RXFP1: variants seen among roughly 807,000 people sequenced by gnomAD.
RXFP1 encodes the protein relaxin family peptide receptor 1.
In RXFP1, 73 loss-of-function variants were observed where a neutral mutation model predicts 89.8. The ratio of observed to expected loss-of-function variants is 0.81; its 90% CI spans 0.67 to 0.99. The LOEUF is 0.99. RXFP1 is among the 50% of genes least tolerant of loss of function. The pLI is 0.00. For missense variants in RXFP1, 793 were observed against 895.5 expected (o/e 0.89, Z 1.46); for synonymous variants, 277 against 305.5 (o/e 0.91, Z 0.97).
At chr4:158,620,414 G>T (rs1193805460) in intron 9 of RXFP1, among the ~76,000 whole-genome samples, 1 of 152,028 alleles carries the variant, frequency 6.6e-6, no homozygotes, top group East Asian at 1.9e-4. Flanking sequence ...TAATAGCCAA[G>T]AATTTTGTTA....
intron 1 of RXFP1, among the ~76,000 whole-genome samples, chr4:158,560,517 G>A (rs939231634): frequency 2.0e-5 from 3 of 152,172 alleles, no homozygotes; most frequent in African/African-American, 7.2e-5. Flanking sequence ...GTTTCTCGAT[G>A]TATCAGTTAG....
intron 6 of RXFP1, among the ~76,000 whole-genome samples, chr4:158,609,808 C>A (rs561217894): frequency 6.6e-6 from 1 of 152,306 alleles, no homozygotes; most frequent in South Asian, 2.1e-4. Context: ...TGACTGTCTT[C>A]TTTCCATATA....
intron 9 of RXFP1, among the ~76,000 whole-genome samples, chr4:158,623,063 A>G (rs147130792): frequency 1.3e-5 from 2 of 152,354 alleles, no homozygotes; most frequent in African/African-American, 4.8e-5. Context: ...GCCAATGTGC[A>G]TTAAACAACA....
chr4:158,562,300 G>A (rs1038101706), intron 1 of RXFP1, among the ~76,000 whole-genome samples: 2 of 151,476 alleles, frequency 1.3e-5, no homozygotes, highest in Admixed American at 6.6e-5. Flanking sequence ...CGAGGCGGGC[G>A]GATCACGAGG....
intron 5 of RXFP1, among the ~76,000 whole-genome samples, chr4:158,607,522 T>C (rs1762744581): frequency 6.6e-6 from 1 of 152,166 alleles, no homozygotes; most frequent in Non-Finnish European, 1.5e-5. Context: ...ACTTAACAAG[T>C]TTAAAGAATT....
intron 2 of RXFP1, among the ~76,000 whole-genome samples, chr4:158,580,545 C>T (rs1284256934): frequency 2.0e-5 from 3 of 152,098 alleles, no homozygotes; most frequent in Non-Finnish European, 4.4e-5. Flanking sequence ...GTCACCTTTA[C>T]CATGTAGCAA....
chr4:158,587,720 CCTT>C (rs1758573890), intron 2 of RXFP1, among the ~76,000 whole-genome samples: 1 of 152,238 alleles, frequency 6.6e-6, no homozygotes, highest in Non-Finnish European at 1.5e-5. Flanking sequence ...GGTCACCTAA[CCTT>C]CTTCAGTATC....
chr4:158,543,234 A>G (rs763043360), intron 1 of RXFP1, among the ~76,000 whole-genome samples: 4 of 152,098 alleles, frequency 2.6e-5, no homozygotes, highest in Non-Finnish European at 4.4e-5. Context: ...TCCATTCTTC[A>G]GGCACTGGTT....
At chr4:158,566,037 GAA>G (rs1026309744) in intron 1 of RXFP1, among the ~76,000 whole-genome samples, 8 of 152,318 alleles carry the variant, frequency 5.3e-5, no homozygotes, top group African/African-American at 1.9e-4. Context: ...CCATGAAAAT[GAA>G]AAGAGGCTAA....
At chr4:158,586,290 A>G (rs991552797) in intron 2 of RXFP1, among the ~76,000 whole-genome samples, 6 of 152,250 alleles carry the variant, frequency 3.9e-5, no homozygotes, top group Admixed American at 2.6e-4. Flanking sequence ...AGCATGCAAG[A>G]TCAGATTTTT....
At chr4:158,635,090 T>C (rs902915338) in intron 12 of RXFP1, among the ~76,000 whole-genome samples, 3 of 152,186 alleles carry the variant, frequency 2.0e-5, no homozygotes, top group African/African-American at 7.2e-5. Context: ...TTTGGCAGGT[T>C]GCTTTGAATC....
intron 2 of RXFP1, among the ~76,000 whole-genome samples, chr4:158,592,126 T>A (rs1481314190): frequency 6.6e-6 from 1 of 152,140 alleles, no homozygotes; most frequent in Non-Finnish European, 1.5e-5. Context: ...TCTATTTTTT[T>A]AAAAGTGACA....
intron 1 of RXFP1, among the ~76,000 whole-genome samples, chr4:158,546,019 G>A (rs1357855010): frequency 6.6e-6 from 1 of 152,130 alleles, no homozygotes; most frequent in Non-Finnish European, 1.5e-5. Context: ...GGATGGGATT[G>A]AATCTATAAA....
At chr4:158,542,109 A>ATATATATATTTTTT in intron 1 of RXFP1, among the ~76,000 whole-genome samples, 514 of 35,106 alleles carry the variant, frequency 0.015, 26 homozygotes, top group Non-Finnish European at 0.018. Context: ...ATATATATAT[A>ATATATATATTTTTT]TTTTTTTTTT....
chr4:158,639,247 T>C lies in RXFP1; in HGVS notation c.1044-13T>C. 1 of 1,431,798 alleles carries C rather than the reference T, an allele frequency of 7.0e-7. No homozygotes were observed. 88.7% of individuals were successfully genotyped at this position (1,431,798 alleles called of 1,614,324 possible). ...CATGTTCCTTTGATTGATTATTAAT[T>C]TGATATTTTTAGCAGCCTAGAAGGG... On this transcript the variant is annotated splice_polypyrimidine_tract_variant and intron_variant, in intron 13 of 17. Transcript: ENST00000307765.
At chr4:158,593,237 G>C (rs1251120702) in intron 2 of RXFP1, among the ~76,000 whole-genome samples, 164 bp from the exon 3 acceptor site, 1 of 152,100 alleles carries the variant, frequency 6.6e-6, no homozygotes, top group African/African-American at 2.4e-5. Flanking sequence ...GAATCTCCAG[G>C]TGGGGGTCCA....
intron 2 of RXFP1, among the ~76,000 whole-genome samples, chr4:158,590,375 G>A (rs555339277): frequency 6.6e-6 from 1 of 152,092 alleles, no homozygotes; most frequent in Non-Finnish European, 1.5e-5. Flanking sequence ...GGCCAGACTG[G>A]TCTCAAAATC....
chr4:158,652,004 C>T lies in RXFP1; in HGVS notation c.2223C>T (p.Pro741=). 1.2e-6 allele frequency: 2 copies of T among 1,613,756 alleles called. No individual in the cohort carries two copies. Among genetic ancestry groups the T allele is most frequent in the Non-Finnish European group, 1.7e-6 (2 of 1,179,800 alleles). ...ELMKPDLFTY[P]CEMSLISQST... is the part of the protein sequence containing the mutation. ...TGAAGCCGGACCTTTTCACATACCC[C>T]TGTGAAATGTCACTGATTTCTCAAT... Residue 741 remains proline (P), a synonymous_variant, in exon 18 of 18, where the codon CCC becomes CCT. Coordinates refer to ENST00000307765, the MANE Select transcript of RXFP1 (RefSeq NM_021634.4).
At chr4:158,524,844 T>TTTAG (rs145523730) in intron 1 of RXFP1, among the ~76,000 whole-genome samples, 1 of 151,994 alleles carries the variant, frequency 6.6e-6, no homozygotes. Context: ...AAACAATTCT[T>TTTAG]TTAATGTTTT....
Sources: allele counts gnomAD v4.1 joint callset (sites outside exome capture counted in the v4.1 genomes callset), GRCh38; gene constraint gnomAD v4.1.1; transcripts MANE v1.5; gene names NCBI Gene and HGNC (gene_info 2026-07-23, HGNC 2026-07-21).